Variants in MTUS2 observed in about 807,000 individuals in gnomAD.
MTUS2 encodes microtubule associated scaffold protein 2.
MTUS2 carries 40 observed loss-of-function variants against 114.1 expected under a neutral mutation model. The ratio of observed to expected loss-of-function variants is 0.35; its 90% CI spans 0.27 to 0.46. The LOEUF is 0.46. MTUS2 is among the 20% of genes least tolerant of loss of function. The pLI is 1.00. For synonymous variants in MTUS2, 688 were observed against 672.0 expected, an observed-to-expected ratio of 1.02 and a Z score of -0.37; for missense variants, 1,679 against 1,705.4, an observed-to-expected ratio of 0.98 and a Z score of 0.27.
chr13:29,490,480 T>C (rs1881984288), intron 11 of MTUS2, among the ~76,000 whole-genome samples: 1 of 152,232 alleles, frequency 6.6e-6, no homozygotes, highest in Non-Finnish European at 1.5e-5. Flanking sequence ...CTAATAAGAC[T>C]CTTCCCATCA....
At chr13:29,224,054 C>T (rs1896011533) in intron 5 of MTUS2, among the ~76,000 whole-genome samples, 1 of 152,248 alleles carries the variant, frequency 6.6e-6, no homozygotes, top group African/African-American at 2.4e-5. Context: ...TGCTGCTCCA[C>T]ACCTGGTTGC....
chr13:29,362,614 G>C (rs189915899), intron 8 of MTUS2, among the ~76,000 whole-genome samples: 15 of 152,244 alleles, frequency 9.9e-5, no homozygotes, highest in Admixed American at 8.5e-4. Context: ...TTGAACCCAG[G>C]AGACGGAGGT....
intron 5 of MTUS2, among the ~76,000 whole-genome samples, chr13:29,127,932 G>A (rs1287493836): frequency 1.3e-5 from 2 of 152,164 alleles, no homozygotes; most frequent in Admixed American, 6.5e-5. Context: ...AGTGCTATAC[G>A]TACAAACCTG....
At chr13:28,859,342 T>A (rs759983924) in intron 2 of MTUS2, among the ~76,000 whole-genome samples, 63 of 152,248 alleles carry the variant, frequency 4.1e-4, no homozygotes, top group Non-Finnish European at 7.6e-4. Flanking sequence ...CATGGCTGGG[T>A]TCTTCAGAGA....
chr13:29,471,135 G>A (rs1021386339), intron 9 of MTUS2, among the ~76,000 whole-genome samples: 1 of 152,042 alleles, frequency 6.6e-6, no homozygotes, highest in Non-Finnish European at 1.5e-5. Flanking sequence ...TTGAGGTCAG[G>A]AGTTTGAGAC....
At position 29,155,810 on chromosome 13, in the gene MTUS2, G is replaced by A. The variant is rs117345439; in HGVS notation, c.2644+54840G>A. Among the ~76,000 whole-genome samples, 82 of 151,970 alleles carry A rather than the reference G, an allele frequency of 5.4e-4. No homozygotes were observed. In the East Asian group the frequency reaches 0.01, roughly 19 times the overall value. ...GTATACTCATCTAGATTATATACAT[G>A]TACATACACACATGTCTCTGATTGT... On this transcript the variant is annotated intron_variant, in intron 5 of 15. Transcript: ENST00000612955.
At chr13:29,454,120 AGAT>A (rs1878940247) in intron 9 of MTUS2, among the ~76,000 whole-genome samples, 1 of 152,252 alleles carries the variant, frequency 6.6e-6, no homozygotes, top group Non-Finnish European at 1.5e-5. Flanking sequence ...CTGTTGAACA[AGAT>A]GATAACTTGA....
At chr13:29,032,867 A>T (rs184720593) in intron 3 of MTUS2, among the ~76,000 whole-genome samples, 1 of 152,204 alleles carries the variant, frequency 6.6e-6, no homozygotes, top group African/African-American at 2.4e-5. Flanking sequence ...TAATTAACAG[A>T]TGTATCTTTT....
In MTUS2 at chr13:29,100,925, C is replaced by T; in HGVS notation, c.2599C>T (p.Gln867Ter). 1 of 1,577,740 alleles carries T rather than the reference C, an allele frequency of 6.3e-7. No individual in the cohort carries two copies. Among genetic ancestry groups the T allele is most frequent in the Non-Finnish European group, 8.6e-7 (1 of 1,161,440 alleles). The change falls in exon 5 of 16, where the codon CAG (glutamine) becomes TAG (stop). Residue 867 changes from glutamine (Q) to a stop codon, truncating the protein, a stop_gained. Coordinates refer to ENST00000612955, the MANE Select transcript of MTUS2 (RefSeq NM_001033602.4). LOFTEE classifies it high-confidence loss of function. ...SSSVSSVSST[Q>*]SGDSAQPEQG... ...CAGCGTCTCCTCAGTCTCCAGCACCCAGTCCGGGGACAGTGCACAGCCAGA... is the reference window on the plus strand; with the variant it reads ...CAGCGTCTCCTCAGTCTCCAGCACCTAGTCCGGGGACAGTGCACAGCCAGA...
intron 7 of MTUS2, chr13:29,339,728 G>T: frequency 1.1e-5 from 2 of 180,308 alleles, no homozygotes; most frequent in Non-Finnish European, 2.3e-5. Context: ...CTGGATACGG[G>T]CATAGTCCCA....
intron 5 of MTUS2, among the ~76,000 whole-genome samples, chr13:29,268,907 T>C (rs1473790040): frequency 6.6e-6 from 1 of 152,092 alleles, no homozygotes; most frequent in African/African-American, 2.4e-5. Context: ...ACATTTTTTA[T>C]TTTTTGTAGA....
At chr13:28,972,154 C>T (rs1451934495) in intron 2 of MTUS2, among the ~76,000 whole-genome samples, 1 of 152,196 alleles carries the variant, frequency 6.6e-6, no homozygotes, top group East Asian at 1.9e-4. Flanking sequence ...GAATACTTCT[C>T]AGCATCTTAG....
At chr13:29,000,665 C>T (rs547932106) in intron 2 of MTUS2, among the ~76,000 whole-genome samples, 3 of 152,084 alleles carry the variant, frequency 2.0e-5, no homozygotes, top group East Asian at 1.9e-4. Context: ...TGTGCCTGGC[C>T]GACAGTGTTT....
intron 5 of MTUS2, among the ~76,000 whole-genome samples, chr13:29,211,263 C>A (rs1229466424): frequency 6.6e-6 from 1 of 152,178 alleles, no homozygotes; most frequent in Non-Finnish European, 1.5e-5. Context: ...GGAAAGCTGG[C>A]AGTGACAGGC....
intron 7 of MTUS2, among the ~76,000 whole-genome samples, chr13:29,349,808 G>C (rs1869068862): frequency 6.6e-6 from 1 of 151,896 alleles, no homozygotes; most frequent in African/African-American, 2.4e-5. Flanking sequence ...CTTTATCTTT[G>C]GTTTTGAGCA....
chr13:28,992,038 A>G (rs979893030), intron 2 of MTUS2, among the ~76,000 whole-genome samples: 3 of 152,270 alleles, frequency 2.0e-5, no homozygotes, highest in Admixed American at 6.5e-5. Context: ...TCTAGGAACT[A>G]CAGTCTGCTC....
chr13:29,047,890 G>A (rs991224473), intron 4 of MTUS2, among the ~76,000 whole-genome samples: 9 of 152,124 alleles, frequency 5.9e-5, no homozygotes, highest in Non-Finnish European at 1.0e-4. Context: ...CTTAAACTCT[G>A]GAAGTTTCAT....
At chr13:29,066,471 T>A (rs561365818) in intron 4 of MTUS2, among the ~76,000 whole-genome samples, 1 of 152,338 alleles carries the variant, frequency 6.6e-6, no homozygotes, top group South Asian at 2.1e-4. Flanking sequence ...GGGGTGGGTT[T>A]TGTTGTCTCT....
intron 6 of MTUS2, among the ~76,000 whole-genome samples, chr13:29,291,210 G>A (rs1007614383): frequency 3.9e-5 from 6 of 152,020 alleles, no homozygotes; most frequent in African/African-American, 1.4e-4. Context: ...AGCCCCCAGC[G>A]CACCTCTCTC....
Sources: allele counts gnomAD v4.1 joint callset (sites outside exome capture counted in the v4.1 genomes callset), GRCh38; gene constraint gnomAD v4.1.1; transcripts MANE v1.5; gene names NCBI Gene and HGNC (gene_info 2026-07-23, HGNC 2026-07-21).